CDH12: variants seen among roughly 807,000 people sequenced by gnomAD.
CDH12 encodes the protein cadherin 12, also known as cadherin-12.
In CDH12, 41 loss-of-function variants were observed where a neutral mutation model predicts 74.1. The observed-to-expected ratio is 0.55, with a 90% CI of 0.43 to 0.72. CDH12 has a LOEUF of 0.72. CDH12 is among the 30% of genes least tolerant of loss of function. The pLI is 0.00. For missense variants in CDH12, 945 were observed against 977.2 expected, an observed-to-expected ratio of 0.97 and a Z score of 0.44; for synonymous variants, 399 against 355.0, an observed-to-expected ratio of 1.12 and a Z score of -1.39.
chr5:22,204,162 GTTT>G (rs113456439), intron 4 of CDH12, among the ~76,000 whole-genome samples: 1 of 129,842 alleles, frequency 7.7e-6, no homozygotes. Flanking sequence ...TGTTTTGTTT[GTTT>G]TTTTTTTTTT....
chr5:22,634,899 T>C lies in CDH12; in HGVS notation c.-522-129535A>G, dbSNP rs1401296938. Among the ~76,000 whole-genome samples the C allele has an allele frequency of 3.3e-5, 5 of 152,112 alleles. No individual in the cohort carries two copies. In the South Asian group the frequency reaches 8.3e-4, roughly 25 times the overall value. On this transcript the variant is annotated intron_variant, in intron 1 of 14. Transcript: ENST00000382254. ...TGTCTCTTCATCATAGATCAGATGA[T>C]TTGTTATTGTTAAGATGACAATACT...
chr5:22,110,485 G>A (rs1744745059), intron 4 of CDH12, among the ~76,000 whole-genome samples: 1 of 151,614 alleles, frequency 6.6e-6, no homozygotes, highest in African/African-American at 2.4e-5. Flanking sequence ...GGGTGGGGGT[G>A]GCTAGGCAAT....
intron 6 of CDH12, chr5:21,884,310 T>C: frequency 2.3e-6 from 3 of 1,318,860 alleles, no homozygotes; most frequent in Non-Finnish European, 3.3e-6. Flanking sequence ...TGGCATGTTC[T>C]AACTCCTAGA....
intron 2 of CDH12, among the ~76,000 whole-genome samples, chr5:22,435,498 A>G (rs1261272): frequency 0.17 from 22,531 of 133,196 alleles, 1,798 homozygotes; most frequent in Middle Eastern, 0.24. Context: ...GTGTATATAT[A>G]TGTGTGTGTG....
intron 1 of CDH12, among the ~76,000 whole-genome samples, chr5:22,573,969 G>T (rs1168559545): frequency 6.6e-6 from 1 of 151,678 alleles, no homozygotes; most frequent in East Asian, 1.9e-4. Context: ...TCTTCTTGGA[G>T]TGCAAAAGAC....
chr5:22,140,985 A>G (rs1393792334), intron 4 of CDH12, among the ~76,000 whole-genome samples: 1 of 152,196 alleles, frequency 6.6e-6, no homozygotes, highest in African/African-American at 2.4e-5. Context: ...GGCCTTCTTT[A>G]TCAACTCAGA....
chr5:22,385,149 A>G (rs1741946096), intron 3 of CDH12, among the ~76,000 whole-genome samples: 1 of 152,224 alleles, frequency 6.6e-6, no homozygotes, highest in East Asian at 1.9e-4. Context: ...CCTTAAACTT[A>G]TATTAAACTG....
intron 1 of CDH12, among the ~76,000 whole-genome samples, chr5:22,654,320 G>C (rs906057303): frequency 6.9e-6 from 1 of 145,382 alleles, no homozygotes; most frequent in African/African-American, 2.6e-5. Flanking sequence ...ACAGAGTCTC[G>C]CTCTTGTCAC....
intron 12 of CDH12, among the ~76,000 whole-genome samples, chr5:21,764,078 A>C (rs1257209249): frequency 6.6e-6 from 1 of 152,094 alleles, no homozygotes; most frequent in Non-Finnish European, 1.5e-5. Context: ...GGTTCTTTAG[A>C]AATTTGTGTG....
At chr5:22,795,656 A>G (rs143668170) in intron 1 of CDH12, among the ~76,000 whole-genome samples, 104 of 151,726 alleles carry the variant, frequency 6.9e-4, no homozygotes, top group African/African-American at 2.4e-3. Context: ...ATGGCTGAAG[A>G]GTTGAATACA....
intron 1 of CDH12, among the ~76,000 whole-genome samples, chr5:22,827,191 G>T (rs996415714): frequency 6.6e-6 from 1 of 151,616 alleles, no homozygotes; most frequent in Non-Finnish European, 1.5e-5. Context: ...TCGGGCTGTG[G>T]CTCCTGAGGG....
At chr5:22,226,197 T>C (rs954013890) in intron 3 of CDH12, among the ~76,000 whole-genome samples, 1 of 152,064 alleles carries the variant, frequency 6.6e-6, no homozygotes. Context: ...CGGTATCCTG[T>C]CTGCGTTTGT....
At chr5:22,288,382 G>A (rs187140232) in intron 3 of CDH12, among the ~76,000 whole-genome samples, 4 of 152,108 alleles carry the variant, frequency 2.6e-5, no homozygotes, top group East Asian at 1.9e-4. Context: ...ATATACATGC[G>A]TATACAGTTT....
intron 11 of CDH12, among the ~76,000 whole-genome samples, chr5:21,774,707 ATAAAC>A (rs1319260798): frequency 1.3e-5 from 2 of 152,328 alleles, no homozygotes; most frequent in East Asian, 1.9e-4. Context: ...AACACAGTAA[ATAAAC>A]TACCTACACT....
chr5:21,822,939 T>C (rs1748454266), intron 8 of CDH12, among the ~76,000 whole-genome samples: 1 of 152,090 alleles, frequency 6.6e-6, no homozygotes, highest in African/African-American at 2.4e-5. Context: ...CTAAACGCAA[T>C]AGAAAAATTT....
At chr5:22,835,344 G>A (rs1369548162) in intron 1 of CDH12, among the ~76,000 whole-genome samples, 3 of 152,050 alleles carry the variant, frequency 2.0e-5, no homozygotes, top group Non-Finnish European at 4.4e-5. Context: ...TGGAAAACTA[G>A]GATATCCTAA....
At chr5:21,898,981 C>T (rs544590548) in intron 6 of CDH12, among the ~76,000 whole-genome samples, 4 of 152,268 alleles carry the variant, frequency 2.6e-5, no homozygotes, top group African/African-American at 9.6e-5. Context: ...CACACAATTT[C>T]TCCTGCTTTC....
At chr5:22,214,895 T>C (rs1403838812) in intron 3 of CDH12, among the ~76,000 whole-genome samples, 7 of 152,222 alleles carry the variant, frequency 4.6e-5, no homozygotes, top group African/African-American at 1.7e-4. Context: ...GTATGATGAC[T>C]CTTCAGTAGT....
At chr5:22,291,818 C>A (rs1487785819) in intron 3 of CDH12, among the ~76,000 whole-genome samples, 2 of 152,038 alleles carry the variant, frequency 1.3e-5, no homozygotes, top group African/African-American at 2.4e-5. Flanking sequence ...TATTAAAATA[C>A]CAATGATATT....
Sources: allele counts gnomAD v4.1 joint callset (sites outside exome capture counted in the v4.1 genomes callset), GRCh38; gene constraint gnomAD v4.1.1; transcripts MANE v1.5; gene names NCBI Gene and HGNC (gene_info 2026-07-23, HGNC 2026-07-21).